BRAF: variants seen among roughly 807,000 people sequenced by gnomAD.
BRAF encodes B-Raf proto-oncogene, serine/threonine kinase, also known as serine/threonine-protein kinase B-raf.
BRAF carries 16 observed loss-of-function variants against 104.6 expected under a neutral mutation model. The observed-to-expected ratio is 0.15, with a 90% confidence interval of 0.10 to 0.23. BRAF has a LOEUF of 0.23. BRAF is among the 10% of genes least tolerant of loss of function. The probability of loss-of-function intolerance (pLI) is 1.00; values close to 1 mark genes in which losing one functional copy is unlikely to be tolerated. For synonymous variants in BRAF, 310 were observed against 341.6 expected (o/e 0.91, Z 1.02); for missense variants, 541 against 937.3 (o/e 0.58, Z 5.52).
intron 3 of BRAF, among the ~76,000 whole-genome samples, chr7:140,821,965 A>C (rs1805532504): frequency 6.6e-6 from 1 of 152,144 alleles, no homozygotes; most frequent in South Asian, 2.1e-4. Context: ...AGTAGGAGCT[A>C]AACTTTGGGT....
chr7:140,851,443 G>GA (rs1004117305), intron 1 of BRAF, among the ~76,000 whole-genome samples: 81 of 151,374 alleles, frequency 5.4e-4, no homozygotes, highest in South Asian at 1.0e-3. Context: ...GGAAATAAAT[G>GA]AAAAAAAAGA....
intron 1 of BRAF, among the ~76,000 whole-genome samples, chr7:140,850,422 A>C (rs1447375323): frequency 6.6e-6 from 1 of 152,172 alleles, no homozygotes; most frequent in East Asian, 1.9e-4. Flanking sequence ...CAACTATAAA[A>C]GATTCAAAGA....
At chr7:140,729,804 G>C (rs188915199) in intron 19 of BRAF, among the ~76,000 whole-genome samples, 2 of 152,106 alleles carry the variant, frequency 1.3e-5, no homozygotes, top group Admixed American at 6.6e-5. Flanking sequence ...CCAGGGTGTG[G>C]TGGTACTGCA....
At chr7:140,847,157 A>C (rs553397288) in intron 2 of BRAF, among the ~76,000 whole-genome samples, 7 of 152,240 alleles carry the variant, frequency 4.6e-5, no homozygotes, top group Admixed American at 1.3e-4. Context: ...CCATCTCAAC[A>C]AAAAATAAAA....
At chr7:140,788,228 T>C (rs774797390) in intron 8 of BRAF, among the ~76,000 whole-genome samples, 2 of 152,234 alleles carry the variant, frequency 1.3e-5, no homozygotes, top group Non-Finnish European at 2.9e-5. Flanking sequence ...AAAATGTTCA[T>C]ATCCTTTGAT....
At chr7:140,814,638 C>T (rs1217054202) in intron 3 of BRAF, among the ~76,000 whole-genome samples, 1 of 150,542 alleles carries the variant, frequency 6.6e-6, no homozygotes, top group Non-Finnish European at 1.5e-5. Flanking sequence ...GCACTCCAGC[C>T]TGGGTGACAG....
chr7:140,784,652 T>A (rs1801179831), intron 10 of BRAF, among the ~76,000 whole-genome samples: 1 of 149,402 alleles, frequency 6.7e-6, no homozygotes, highest in African/African-American at 2.4e-5. Context: ...AATTTTTACT[T>A]TTTTTTTTTT....
chr7:140,744,695 C>T (rs1312696577), intron 17 of BRAF, among the ~76,000 whole-genome samples: 2 of 151,804 alleles, frequency 1.3e-5, no homozygotes, highest in African/African-American at 4.8e-5. Context: ...ATCTAGTGTC[C>T]TAACAAAAAA....
At chr7:140,789,892 G>A (rs560685719) in intron 8 of BRAF, among the ~76,000 whole-genome samples, 17 of 152,212 alleles carry the variant, frequency 1.1e-4, no homozygotes, top group East Asian at 1.9e-4. Flanking sequence ...CACCATGCCC[G>A]GCTAATTTTT....
chr7:140,918,090 T>G (rs1237167175), intron 1 of BRAF, among the ~76,000 whole-genome samples: 1 of 152,238 alleles, frequency 6.6e-6, no homozygotes, highest in Non-Finnish European at 1.5e-5. Context: ...AGAAGATTTA[T>G]GCCAGCACAA....
At position 140,724,388 on chromosome 7, in the gene BRAF, A is replaced by C. The variant is rs1585893613; in HGVS notation, c.*2106T>G. Reference sequence around the variant, plus strand: ...CTAGAGATATATTTAAAAAGAAAAAACAGCCAATGCTTTTCAAGAGAGGCA... The same window carrying C: ...CTAGAGATATATTTAAAAAGAAAAACCAGCCAATGCTTTTCAAGAGAGGCA... On this transcript the variant is annotated 3_prime_UTR_variant, in exon 20 of 20. Coordinates refer to ENST00000644969, the MANE Select transcript of BRAF (RefSeq NM_001374258.1). The C allele has an allele frequency of 9.5e-7, 1 of 1,055,622 alleles. No homozygotes were observed. Among genetic ancestry groups the C allele is most frequent in the Non-Finnish European group, 1.1e-6 (1 of 873,306 alleles). 65.4% of individuals were successfully genotyped at this position (1,055,622 alleles called of 1,614,324 possible). A position where few individuals can be genotyped will look rare whatever the true frequency, so the allele number is the denominator to read the frequency against.
chr7:140,828,939 C>G (rs1223250682), intron 3 of BRAF, among the ~76,000 whole-genome samples: 2 of 152,182 alleles, frequency 1.3e-5, no homozygotes, highest in African/African-American at 4.8e-5. Flanking sequence ...GAAATGATCT[C>G]ATAGTTTTAA....
At position 140,924,835 on chromosome 7, in the gene BRAF, G is replaced by C. The variant is rs1291028419; in HGVS notation, c.-132C>G. 3.0e-6 allele frequency: 1 copy of C among 330,218 alleles called. No individual in the cohort carries two copies. Among genetic ancestry groups the C allele is most frequent in the South Asian group, 1.1e-4 (1 of 8,942 alleles). 20.5% of individuals were successfully genotyped at this position (330,218 alleles called of 1,614,324 possible). A position where few individuals can be genotyped will look rare whatever the true frequency, so the allele number is the denominator to read the frequency against. ...GGGCGCGGGGGGCGCGGGGAGGAGC[G>C]GCCCGGGCGGCGCCGCGGGCGGAGG... On this transcript the variant is annotated 5_prime_UTR_variant, in exon 1 of 20. Transcript: ENST00000644969. The surrounding 1 kb of genome is among the most constrained non-coding windows in gnomAD (Gnocchi z 4.2).
chr7:140,893,173 C>T (rs141029274), intron 1 of BRAF, among the ~76,000 whole-genome samples: 2 of 151,750 alleles, frequency 1.3e-5, no homozygotes, highest in African/African-American at 4.8e-5. Flanking sequence ...ATTTGGTGAA[C>T]GAGCTTTCTG....
At chr7:140,764,458 C>T (rs1329570848) in intron 14 of BRAF, among the ~76,000 whole-genome samples, 1 of 149,606 alleles carries the variant, frequency 6.7e-6, no homozygotes, top group East Asian at 1.9e-4. Flanking sequence ...GGCAATCAGG[C>T]AGGAGAAGGA....
intron 5 of BRAF, 145 bp downstream of exon 5, chr7:140,807,814 GT>G: frequency 1.6e-6 from 1 of 629,532 alleles, no homozygotes; most frequent in East Asian, 2.8e-5. Context: ...TTAAATACAA[GT>G]TTTTAAAGAA....
intron 2 of BRAF, among the ~76,000 whole-genome samples, chr7:140,846,642 C>T (rs1347345390): frequency 2.0e-5 from 3 of 151,808 alleles, no homozygotes; most frequent in Non-Finnish European, 4.4e-5. Context: ...TGCCACAGAA[C>T]CATATACTTA....
intron 3 of BRAF, among the ~76,000 whole-genome samples, chr7:140,809,247 A>G (rs956341664): frequency 6.6e-6 from 1 of 152,178 alleles, no homozygotes; most frequent in African/African-American, 2.4e-5. Context: ...AAACATATAA[A>G]AAGAAGAAGT....
intron 1 of BRAF, among the ~76,000 whole-genome samples, chr7:140,896,686 T>C (rs773157666): frequency 3.9e-4 from 59 of 152,066 alleles, no homozygotes; most frequent in African/African-American, 1.3e-3. Flanking sequence ...ACCAATATGG[T>C]GAAACTCCGT....
Sources: allele counts gnomAD v4.1 joint callset (sites outside exome capture counted in the v4.1 genomes callset), GRCh38; gene constraint gnomAD v4.1.1; non-coding constraint Gnocchi (gnomAD v3.1); transcripts MANE v1.5; gene names NCBI Gene and HGNC (gene_info 2026-07-23, HGNC 2026-07-21).